The following CDH12 variants were observed in gnomAD, a reference collection of about 807,000 sequenced individuals.
CDH12 encodes the protein cadherin-12.
A neutral mutation model predicts 74.1 loss-of-function variants in CDH12; 41 were observed. The ratio of observed to expected loss-of-function variants is 0.55; its 90% CI spans 0.43 to 0.72. CDH12 has a LOEUF of 0.72. Among genes scored for constraint, CDH12 ranks in the 30% least tolerant of loss-of-function variants. CDH12 has a pLI of 0.00. For synonymous variants in CDH12, 399 were observed against 355.0 expected, an observed-to-expected ratio of 1.12 and a Z score of -1.39; for missense variants, 945 against 977.2, an observed-to-expected ratio of 0.97 and a Z score of 0.44.
intron 2 of CDH12, among the ~76,000 whole-genome samples, chr5:22,500,845 C>T (rs939064677): frequency 7.9e-5 from 12 of 152,096 alleles, no homozygotes; most frequent in African/African-American, 2.7e-4. Context: ...ATTACACAGA[C>T]ATCTGCAAAC....
At chr5:21,909,589 A>G (rs1318388708) in intron 6 of CDH12, among the ~76,000 whole-genome samples, 1 of 152,198 alleles carries the variant, frequency 6.6e-6, no homozygotes, top group Non-Finnish European at 1.5e-5. Context: ...TTCACCTTCT[A>G]CATAACAGTG....
chr5:22,063,978 A>G (rs1005840176), intron 5 of CDH12, among the ~76,000 whole-genome samples: 2 of 129,126 alleles, frequency 1.5e-5, no homozygotes, highest in Non-Finnish European at 3.2e-5. Flanking sequence ...GACTCATGCA[A>G]TTATGGAGAT....
intron 1 of CDH12, among the ~76,000 whole-genome samples, chr5:22,695,199 A>G (rs1580895763): frequency 6.6e-6 from 1 of 152,142 alleles, no homozygotes; most frequent in African/African-American, 2.4e-5. Flanking sequence ...ATAGTATCCC[A>G]TGGTGTATAT....
intron 6 of CDH12, among the ~76,000 whole-genome samples, chr5:21,939,868 T>G (rs1315781166): frequency 6.6e-6 from 1 of 152,070 alleles, no homozygotes; most frequent in South Asian, 2.1e-4. Flanking sequence ...ATTAAAAATA[T>G]GAGAAAAAGA....
intron 6 of CDH12, among the ~76,000 whole-genome samples, chr5:21,891,773 T>C (rs1319905734): frequency 2.0e-5 from 3 of 152,158 alleles, no homozygotes; most frequent in Admixed American, 6.5e-5. Flanking sequence ...TTTCTGATTG[T>C]ACTTAATTCT....
chr5:21,793,809 C>G (rs1020238295), intron 10 of CDH12, among the ~76,000 whole-genome samples: 1 of 151,582 alleles, frequency 6.6e-6, no homozygotes, highest in Non-Finnish European at 1.5e-5. Flanking sequence ...TGCTCTGGAA[C>G]AGCTTATGAA....
At chr5:22,438,702 T>C (rs540154611) in intron 2 of CDH12, among the ~76,000 whole-genome samples, 9 of 152,030 alleles carry the variant, frequency 5.9e-5, no homozygotes, top group Admixed American at 1.3e-4. Flanking sequence ...CAGGAAGTTC[T>C]AAAGGCCAAT....
At chr5:22,561,873 G>C (rs1739064851) in intron 1 of CDH12, among the ~76,000 whole-genome samples, 1 of 152,134 alleles carries the variant, frequency 6.6e-6, no homozygotes, top group Admixed American at 6.5e-5. Flanking sequence ...TCTCATGAAT[G>C]ATGAATATTA....
At chr5:22,292,606 C>T (rs1013610052) in intron 3 of CDH12, among the ~76,000 whole-genome samples, 1 of 143,790 alleles carries the variant, frequency 7.0e-6, no homozygotes, top group Non-Finnish European at 1.5e-5. Context: ...GACAAAGGAC[C>T]TGAAAGATGC....
intron 2 of CDH12, among the ~76,000 whole-genome samples, chr5:22,417,010 C>A (rs1387227219): frequency 6.6e-6 from 1 of 152,160 alleles, no homozygotes; most frequent in Admixed American, 6.5e-5. Flanking sequence ...AGTCTCAAGA[C>A]TTCTTTGTTC....
At chr5:22,391,010 C>CTA (rs1253187205) in intron 3 of CDH12, among the ~76,000 whole-genome samples, 1 of 152,090 alleles carries the variant, frequency 6.6e-6, no homozygotes. Context: ...ATAGAGTGAA[C>CTA]TATAGGGTTG....
At chr5:22,218,328 G>T (rs1336452268) in intron 3 of CDH12, among the ~76,000 whole-genome samples, 1 of 151,374 alleles carries the variant, frequency 6.6e-6, no homozygotes, top group Admixed American at 6.6e-5. Flanking sequence ...TCCAAACTGG[G>T]GAAAAAAAAG....
chr5:22,597,192 C>T (rs1736644463), intron 1 of CDH12, among the ~76,000 whole-genome samples: 1 of 152,128 alleles, frequency 6.6e-6, no homozygotes, highest in Admixed American at 6.6e-5. Context: ...CAATACTCTC[C>T]CATTTTTACA....
intron 3 of CDH12, among the ~76,000 whole-genome samples, chr5:22,387,272 A>T (rs1365644448): frequency 6.9e-6 from 1 of 145,812 alleles, no homozygotes; most frequent in African/African-American, 2.5e-5. Context: ...ACAATTTTTA[A>T]AAAAAATTTT....
intron 3 of CDH12, among the ~76,000 whole-genome samples, chr5:22,342,905 G>A (rs1361889519): frequency 6.6e-6 from 1 of 151,680 alleles, no homozygotes; most frequent in Non-Finnish European, 1.5e-5. Context: ...CTGGATTGCA[G>A]TGGCAGGATC....
chr5:22,179,850 T>C (rs549298946), intron 4 of CDH12, among the ~76,000 whole-genome samples: 1 of 152,302 alleles, frequency 6.6e-6, no homozygotes, highest in Admixed American at 6.5e-5. Flanking sequence ...CAAATGTGTG[T>C]CATCTGCATC....
chr5:22,015,275 G>A (rs1174808949), intron 5 of CDH12, among the ~76,000 whole-genome samples: 1 of 152,076 alleles, frequency 6.6e-6, no homozygotes, highest in East Asian at 1.9e-4. Flanking sequence ...TGAGTTTTTT[G>A]TACACATTTC....
chr5:22,376,209 A>G (rs1160800315), intron 3 of CDH12, among the ~76,000 whole-genome samples: 1 of 152,172 alleles, frequency 6.6e-6, no homozygotes, highest in African/African-American at 2.4e-5. Context: ...ACAGAAAGAG[A>G]GACACCACAT....
At position 21,798,249 on chromosome 5, in the gene CDH12, A is replaced by ATGTGTGTG. The variant is rs55704091; in HGVS notation, c.1256+3910_1256+3917dup. On this transcript the variant is annotated intron_variant, in intron 10 of 14. Transcript: ENST00000382254. ...AACAAATATTTGAATGTATATGTGG[A>ATGTGTGTG]TGTGTGTGTGTGTGTGTGTGTGTGT... Among the ~76,000 whole-genome samples, 275 of 148,890 alleles carry ATGTGTGTG rather than the reference A, an allele frequency of 1.8e-3. 1 individual carries two copies. Among genetic ancestry groups the ATGTGTGTG allele is most frequent in the African/African-American group, 6.6e-3 (265 of 40,398 alleles).
Sources: gnomAD v4.1 joint callset for allele counts (sites outside exome capture counted in the v4.1 genomes callset) on GRCh38, gnomAD v4.1.1 for gene constraint, MANE v1.5 for transcripts, NCBI Gene and HGNC (gene_info 2026-07-23, HGNC 2026-07-21) for gene names.